RANBP2: variants seen among roughly 807,000 people sequenced by gnomAD.
The protein encoded by RANBP2 is E3 SUMO-protein ligase RanBP2.
In RANBP2, 57 loss-of-function variants were observed where a neutral mutation model predicts 303.6. That is an observed-to-expected ratio of 0.19 (90% CI 0.15 to 0.23). The LOEUF is 0.23. Among genes scored for constraint, RANBP2 ranks in the 10% least tolerant of loss-of-function variants. The pLI is 1.00. For missense variants in RANBP2, 3,138 were observed against 3,780.8 expected (o/e 0.83, Z 4.46); for synonymous variants, 1,167 against 1,301.5 (o/e 0.90, Z 2.23).
the RANBP2 span, among the ~76,000 whole-genome samples, chr2:109,048,576 C>T: frequency 6.6e-6 from 1 of 152,164 alleles, no homozygotes; most frequent in African/African-American, 2.4e-5. Context: ...ATGAAGCCTC[C>T]AAAATCTATG....
the RANBP2 span, among the ~76,000 whole-genome samples, chr2:109,358,619 CCATT>C: frequency 3.9e-5 from 6 of 152,200 alleles, no homozygotes; most frequent in South Asian, 2.1e-4. Context: ...CTTTGACTCA[CCATT>C]CAATCAGACT....
chr2:108,803,989 A>G, the RANBP2 span, among the ~76,000 whole-genome samples: 1 of 152,256 alleles, frequency 6.6e-6, no homozygotes, highest in South Asian at 2.1e-4. Flanking sequence ...AAAGTCATAC[A>G]AAGATTAACT....
Position 108,766,002 on chromosome 2 carries a change from C to T in RANBP2, c.5463C>T (p.Phe1821=), listed in dbSNP as rs1463344781. 1 of 1,614,136 alleles carries T rather than the reference C, an allele frequency of 6.2e-7. No homozygotes were observed. The highest frequency in any genetic ancestry group is 2.2e-5 in the East Asian group (1 of 44,888). Residue 1821 remains phenylalanine (F), a synonymous_variant, in exon 20 of 29, where the codon TTC becomes TTT. Coordinates refer to ENST00000283195, the MANE Select transcript of RANBP2 (RefSeq NM_006267.5). ...HKPIAEAPSA[F]TLGSEMKLHD... is the part of the protein sequence containing the mutation. ...CTATTGCAGAAGCTCCTTCAGCTTTCACACTGGGCTCAGAAATGAAGTTGC... is the reference window on the plus strand; with the variant it reads ...CTATTGCAGAAGCTCCTTCAGCTTTTACACTGGGCTCAGAAATGAAGTTGC...
the RANBP2 span, among the ~76,000 whole-genome samples, chr2:108,956,401 G>C: frequency 2.0e-5 from 3 of 152,202 alleles, no homozygotes; most frequent in Non-Finnish European, 2.9e-5. Flanking sequence ...ACTCCATTTG[G>C]TTTAGAATAC....
chr2:108,819,720 C>T, the RANBP2 span, among the ~76,000 whole-genome samples: 1 of 152,112 alleles, frequency 6.6e-6, no homozygotes, highest in Non-Finnish European at 1.5e-5. Flanking sequence ...GTTGTAAAGA[C>T]TCAGAAAGGT....
chr2:109,500,198 C>T, the RANBP2 span, among the ~76,000 whole-genome samples: 3,676 of 152,164 alleles, frequency 0.024, 139 homozygotes, highest in African/African-American at 0.082. Flanking sequence ...CTGTTAGAAG[C>T]TATGTTAGTG....
chr2:109,357,811 TAC>T, the RANBP2 span, among the ~76,000 whole-genome samples: 6 of 152,324 alleles, frequency 3.9e-5, no homozygotes, highest in South Asian at 1.0e-3. Context: ...GAGCAGAAGA[TAC>T]AGAGATTTCC....
chr2:109,203,544 G>A, the RANBP2 span, among the ~76,000 whole-genome samples: 37 of 152,176 alleles, frequency 2.4e-4, no homozygotes, highest in Admixed American at 9.2e-4. Context: ...GCATGCATTT[G>A]GAGCCCTCTG....
chr2:109,614,960 G>C, the RANBP2 span: 1 of 1,527,012 alleles, frequency 6.5e-7, no homozygotes, highest in Non-Finnish European at 8.8e-7. Flanking sequence ...GGAAGAACTC[G>C]CGGCGCGACG....
At chr2:109,301,200 T>C in the RANBP2 span, among the ~76,000 whole-genome samples, 16 of 152,314 alleles carry the variant, frequency 1.1e-4, no homozygotes, top group East Asian at 3.1e-3. Context: ...CTGGTTCCTC[T>C]GCGCAGGCTG....
the RANBP2 span, chr2:109,565,979 A>AG: frequency 2.3e-6 from 2 of 884,556 alleles, no homozygotes; most frequent in Non-Finnish European, 3.6e-6. Flanking sequence ...TCGAATGGTC[A>AG]GCTATGCCTC....
the RANBP2 span, among the ~76,000 whole-genome samples, chr2:109,610,095 G>GTTTTTTTTTTTTTTTTTTTTTTTTTTT: frequency 2.1e-5 from 3 of 143,434 alleles, 1 homozygote; most frequent in African/African-American, 7.8e-5. Context: ...TCCCTGAGGT[G>GTTTTTTTTTTTTTTTTTTTTTTTTTTT]TTTTTTTTTT....
In RANBP2 at chr2:108,763,377, T is replaced by G. The variant is rs770828963; in HGVS notation, c.2838T>G (p.Phe946Leu). 7 of 1,614,000 alleles carry G rather than the reference T, an allele frequency of 4.3e-6. No individual in the cohort carries two copies. The highest frequency in any genetic ancestry group is 5.9e-6 in the Non-Finnish European group (7 of 1,179,952). Residue 946 changes from phenylalanine to leucine, a missense_variant, in exon 20 of 29, where the codon TTT (phenylalanine) becomes TTG (leucine). By Grantham distance (22) the Phe-to-Leu change is conservative (BLOSUM62 0). This residue lies in a region of RANBP2 where 403 missense variants were observed against 376.7 expected (regional missense o/e 1.07). Transcript: ENST00000283195. ...QEMYGPPALRFESPATGILSP... is the reference protein window; with the variant it reads ...QEMYGPPALRLESPATGILSP... ...TGTATGGTCCTCCTGCATTGCGTTT[T>G]GAGTCTCCTGCAACGGGAATTCTAT...
At chr2:109,187,040 G>A in the RANBP2 span, among the ~76,000 whole-genome samples, 1 of 149,768 alleles carries the variant, frequency 6.7e-6, no homozygotes, top group Non-Finnish European at 1.5e-5. Context: ...CCACCCCATA[G>A]GTGCTGGCCC....
At chr2:109,693,657 A>G in the RANBP2 span, among the ~76,000 whole-genome samples, 1 of 152,226 alleles carries the variant, frequency 6.6e-6, no homozygotes, top group Non-Finnish European at 1.5e-5. Flanking sequence ...CTCTTCAGCC[A>G]TGTGGAAATG....
the RANBP2 span, among the ~76,000 whole-genome samples, chr2:109,475,369 C>T: frequency 6.6e-6 from 1 of 152,242 alleles, no homozygotes; most frequent in African/African-American, 2.4e-5. Context: ...CCAAAGCAAA[C>T]CCACGCAAAG....
the RANBP2 span, among the ~76,000 whole-genome samples, chr2:109,218,752 G>A: frequency 0.034 from 5,181 of 152,180 alleles, 267 homozygotes; most frequent in African/African-American, 0.11. Context: ...AACAAAAATA[G>A]CCACTGACTT....
chr2:108,846,976 G>T, the RANBP2 span: 1 of 1,040,672 alleles, frequency 9.6e-7, no homozygotes, highest in South Asian at 1.4e-5. Context: ...AAACAATAGA[G>T]AATATCATAT....
At chr2:109,254,631 G>A in the RANBP2 span, among the ~76,000 whole-genome samples, 3,022 of 152,286 alleles carry the variant, frequency 0.02, 109 homozygotes, top group African/African-American at 0.068. Context: ...TGGTCAAATA[G>A]TTTCTTTGTC....
Sources: gnomAD v4.1 joint callset for allele counts (sites outside exome capture counted in the v4.1 genomes callset) on GRCh38, gnomAD v4.1.1 for gene constraint, gnomAD v4.1.1 regional missense constraint, MANE v1.5 for transcripts, NCBI Gene and HGNC (gene_info 2026-07-23, HGNC 2026-07-21) for gene names.